Variants in DOCK4 observed in about 807,000 individuals in gnomAD.
DOCK4 encodes the protein dedicator of cytokinesis protein 4.
A neutral mutation model predicts 268.1 loss-of-function variants in DOCK4; 97 were observed. The observed-to-expected ratio is 0.36, with a 90% CI of 0.31 to 0.43. The LOEUF is 0.43. DOCK4 is among the 20% of genes least tolerant of loss of function. DOCK4 has a pLI of 1.00. For missense variants in DOCK4, 2,145 were observed against 2,455.7 expected, an observed-to-expected ratio of 0.87 and a Z score of 2.67; for synonymous variants, 954 against 887.2, an observed-to-expected ratio of 1.08 and a Z score of -1.34.
At chr7:111,991,803 T>C (rs776609377) in intron 5 of DOCK4, among the ~76,000 whole-genome samples, 85 of 151,528 alleles carry the variant, frequency 5.6e-4, no homozygotes, top group Non-Finnish European at 8.1e-4. Flanking sequence ...CTACTAAAAA[T>C]ACAAAAAAAT....
intron 24 of DOCK4, among the ~76,000 whole-genome samples, chr7:111,845,236 C>T (rs1804010240): frequency 6.6e-6 from 1 of 152,208 alleles, no homozygotes; most frequent in Admixed American, 6.5e-5. Flanking sequence ...ACTGAGAGTC[C>T]ATCCTTGTTC....
At chr7:112,081,043 C>T (rs953390411) in intron 1 of DOCK4, among the ~76,000 whole-genome samples, 3 of 152,036 alleles carry the variant, frequency 2.0e-5, no homozygotes, top group African/African-American at 7.2e-5. Context: ...CGCCAAGTAG[C>T]CCACAGGCCA....
chr7:112,132,143 C>T (rs950898163), intron 1 of DOCK4, among the ~76,000 whole-genome samples: 3 of 152,090 alleles, frequency 2.0e-5, no homozygotes, highest in African/African-American at 7.2e-5. Context: ...ACAAAGGTTA[C>T]TTCTCACTTT....
chr7:111,868,735 T>A lies in DOCK4; in HGVS notation c.2110-581A>T, dbSNP rs982147182. On this transcript the variant is annotated intron_variant, in intron 21 of 52. Coordinates refer to ENST00000428084, the MANE Select transcript of DOCK4 (RefSeq NM_001363540.2). ...AAAAAAAAAATTAAAAAAAAAAAAA[T>A]TTTATCATTCTGGAGTATGATGAAC... Among the ~76,000 whole-genome samples, 161 of 151,796 alleles carry A rather than the reference T, an allele frequency of 1.1e-3. 2 individuals are homozygous for A. The highest frequency in any genetic ancestry group is 6.3e-4 in the South Asian group (3 of 4,800).
intron 12 of DOCK4, among the ~76,000 whole-genome samples, chr7:111,933,470 A>C (rs1281465632): frequency 6.6e-6 from 1 of 150,918 alleles, no homozygotes; most frequent in Non-Finnish European, 1.5e-5. Context: ...AATTTTTTGT[A>C]TTTTTAGTAG....
intron 35 of DOCK4, among the ~76,000 whole-genome samples, chr7:111,780,920 TAGA>T (rs1484588022): frequency 6.6e-6 from 1 of 152,074 alleles, no homozygotes; most frequent in Admixed American, 6.6e-5. Flanking sequence ...TAAAATTTTC[TAGA>T]AGGACTATTC....
At chr7:111,992,250 T>C (rs1219023367) in intron 5 of DOCK4, among the ~76,000 whole-genome samples, 1 of 152,172 alleles carries the variant, frequency 6.6e-6, no homozygotes, top group Non-Finnish European at 1.5e-5. Flanking sequence ...TAAAATATTA[T>C]GGCCCCCATC....
intron 15 of DOCK4, 98 bp downstream of exon 15, chr7:111,900,276 G>C (rs1562862931): frequency 7.4e-7 from 1 of 1,357,560 alleles, no homozygotes; most frequent in Non-Finnish European, 1.0e-6. Flanking sequence ...TTTTACAAAA[G>C]TAATCAACTT....
intron 1 of DOCK4, among the ~76,000 whole-genome samples, chr7:112,074,426 T>C (rs1384120489): frequency 2.0e-5 from 3 of 152,210 alleles, no homozygotes; most frequent in African/African-American, 4.8e-5. Context: ...CTGTGTCGGT[T>C]ATTAAACCTT....
chr7:112,181,639 C>CAAAAAAAA lies in DOCK4; in HGVS notation c.37+24455_37+24462dup, dbSNP rs55807955. The stretch of plus-strand genomic sequence containing the variant: ...TGAGCAACAGAGTAAGACACTGTCT[C>CAAAAAAAA]AAAAAAAAAAAAAAAAAAAAGCTTG... On this transcript the variant is annotated intron_variant, in intron 1 of 52. Coordinates refer to ENST00000428084, the MANE Select transcript of DOCK4 (RefSeq NM_001363540.2). Among the ~76,000 whole-genome samples the CAAAAAAAA allele has an allele frequency of 5.8e-4, 38 of 65,372 alleles. 3 individuals are homozygous for CAAAAAAAA. Among genetic ancestry groups the CAAAAAAAA allele is most frequent in the Non-Finnish European group, 8.2e-4 (31 of 37,742 alleles). The allele number at this position is 65,372 out of a possible 152,430, so 42.9% of individuals were successfully genotyped here. A position where few individuals can be genotyped will look rare whatever the true frequency, so the allele number is the denominator to read the frequency against.
At chr7:112,039,376 G>A (rs150524591) in intron 1 of DOCK4, among the ~76,000 whole-genome samples, 15 of 141,438 alleles carry the variant, frequency 1.1e-4, no homozygotes, top group Admixed American at 2.1e-4. Context: ...TTTCATATGG[G>A]GGGGGGGGCT....
chr7:112,158,364 G>A (rs1355640725), intron 1 of DOCK4, among the ~76,000 whole-genome samples: 2 of 152,170 alleles, frequency 1.3e-5, no homozygotes, highest in African/African-American at 4.8e-5. Context: ...TTGAACAAAT[G>A]AAGTAGGAAT....
At chr7:111,997,847 GTACC>G (rs1474982316) in intron 4 of DOCK4, among the ~76,000 whole-genome samples, 19 of 152,212 alleles carry the variant, frequency 1.2e-4, no homozygotes, top group African/African-American at 4.3e-4. Flanking sequence ...TTATCCTGCT[GTACC>G]TTATTGGAAT....
At chr7:111,852,430 C>T (rs10277083) in intron 23 of DOCK4, among the ~76,000 whole-genome samples, 2 of 151,258 alleles carry the variant, frequency 1.3e-5, no homozygotes, top group African/African-American at 4.9e-5. Context: ...CATTGCAAGC[C>T]TTCTTTAAAC....
chr7:112,095,153 T>C (rs1809999556), intron 1 of DOCK4, among the ~76,000 whole-genome samples: 1 of 152,166 alleles, frequency 6.6e-6, no homozygotes, highest in African/African-American at 2.4e-5. Context: ...AGTCTTTCAA[T>C]GGTATAGGGC....
chr7:112,024,231 C>G (rs1727034044), intron 1 of DOCK4, among the ~76,000 whole-genome samples: 1 of 152,232 alleles, frequency 6.6e-6, no homozygotes, highest in South Asian at 2.1e-4. Flanking sequence ...CACACGGGGC[C>G]TGTCTCAGCC....
intron 8 of DOCK4, among the ~76,000 whole-genome samples, chr7:111,959,244 G>A (rs1203692405): frequency 7.2e-5 from 11 of 152,148 alleles, no homozygotes; most frequent in Non-Finnish European, 2.9e-5. Flanking sequence ...ACAATCCAAG[G>A]AGGGTGTCTG....
chr7:111,882,408 T>C (rs1199348683), intron 16 of DOCK4, among the ~76,000 whole-genome samples: 1 of 152,224 alleles, frequency 6.6e-6, no homozygotes, highest in Non-Finnish European at 1.5e-5. Flanking sequence ...ATAAAGGTGA[T>C]TTTAAATTAA....
intron 13 of DOCK4, among the ~76,000 whole-genome samples, chr7:111,908,814 G>T (rs1042899046): frequency 6.6e-6 from 1 of 152,046 alleles, no homozygotes; most frequent in Non-Finnish European, 1.5e-5. Context: ...AGTTTGTTGG[G>T]AATGATGGCT....
Sources: gnomAD v4.1 joint callset for allele counts (sites outside exome capture counted in the v4.1 genomes callset) on GRCh38, gnomAD v4.1.1 for gene constraint, MANE v1.5 for transcripts, NCBI Gene and HGNC (gene_info 2026-07-23, HGNC 2026-07-21) for gene names.